TBCE: variants seen among roughly 807,000 people sequenced by gnomAD.
TBCE encodes the protein tubulin folding cofactor E, also known as tubulin-specific chaperone E.
TBCE carries 53 observed loss-of-function variants against 77.0 expected under a neutral mutation model. The ratio of observed to expected loss-of-function variants is 0.69; its 90% confidence interval spans 0.55 to 0.87. The LOEUF is 0.87. Ranked by LOEUF, TBCE falls within the 40% of genes least tolerant of loss-of-function variation. The pLI is 0.00. For missense variants in TBCE, 624 were observed against 622.4 expected (o/e 1.00, Z -0.03); for synonymous variants, 235 against 241.3 (o/e 0.97, Z 0.24).
At chr1:235,443,197 C>T (rs1212061424) in intron 15 of TBCE, among the ~76,000 whole-genome samples, 15 of 130,492 alleles carry the variant, frequency 1.1e-4, no homozygotes, top group South Asian at 4.6e-4. Context: ...TATATATATA[C>T]ACACACACAC....
chr1:235,409,689 T>A (rs1429406814), intron 3 of TBCE, among the ~76,000 whole-genome samples: 3 of 150,778 alleles, frequency 2.0e-5, no homozygotes, highest in South Asian at 2.1e-4. Flanking sequence ...ACTTCTTGTT[T>A]TTTTACCATG....
At chr1:235,395,457 A>G (rs1028067861) in intron 2 of TBCE, among the ~76,000 whole-genome samples, 10 of 151,774 alleles carry the variant, frequency 6.6e-5, no homozygotes, top group Non-Finnish European at 1.5e-4. Flanking sequence ...TATTTATGCT[A>G]TCTGTATTTT....
intron 7 of TBCE, 113 bp from the exon 8 acceptor site, chr1:235,434,091 C>T: frequency 2.2e-6 from 2 of 905,466 alleles, no homozygotes; most frequent in Non-Finnish European, 1.9e-6. Flanking sequence ...GTCCGTGAGG[C>T]ACTTGTTTGC....
At chr1:235,378,829 C>G (rs934088796) in intron 1 of TBCE, among the ~76,000 whole-genome samples, 3 of 152,044 alleles carry the variant, frequency 2.0e-5, no homozygotes, top group African/African-American at 7.2e-5. Context: ...CCACTGCACT[C>G]CAGCCTGGGC....
At chr1:235,414,290 A>G in intron 3 of TBCE, 143 bp from the exon 4 acceptor site, 2 of 727,588 alleles carry the variant, frequency 2.7e-6, no homozygotes, top group Non-Finnish European at 4.7e-6. Flanking sequence ...CTGATTATAT[A>G]TTATTTTAGT....
chr1:235,381,489 C>T (rs944776755), intron 2 of TBCE, among the ~76,000 whole-genome samples: 2 of 151,706 alleles, frequency 1.3e-5, no homozygotes, highest in South Asian at 2.1e-4. Context: ...TTGAGACCAT[C>T]CTGGCTAACA....
intron 4 of TBCE, chr1:235,418,997 A>G: frequency 4.6e-6 from 1 of 217,528 alleles, no homozygotes; most frequent in South Asian, 6.9e-5. Context: ...ACTTGAGGTC[A>G]GGAGTTCGAG....
intron 5 of TBCE, among the ~76,000 whole-genome samples, chr1:235,420,447 T>A (rs1680339071): frequency 1.3e-5 from 2 of 150,292 alleles, no homozygotes; most frequent in African/African-American, 4.9e-5. Flanking sequence ...CCCAAGTAGC[T>A]GGGATTACAG....
intron 2 of TBCE, among the ~76,000 whole-genome samples, chr1:235,400,795 A>G (rs922801262): frequency 6.6e-6 from 1 of 151,102 alleles, no homozygotes; most frequent in Non-Finnish European, 1.5e-5. Context: ...CCCGGGTTCA[A>G]GTGATTCTCC....
chr1:235,438,604 CCT>C (rs1322252573), intron 12 of TBCE, among the ~76,000 whole-genome samples, 163 bp from the exon 13 acceptor site: 3 of 151,204 alleles, frequency 2.0e-5, no homozygotes, highest in Non-Finnish European at 4.4e-5. Context: ...CTAATAAACC[CCT>C]GAGTTCTGTC....
chr1:235,438,442 A>T (rs992690044), intron 12 of TBCE, among the ~76,000 whole-genome samples: 9 of 152,014 alleles, frequency 5.9e-5, no homozygotes, highest in African/African-American at 2.2e-4. Flanking sequence ...CAGCTATTCC[A>T]GAGGCTGAGG....
chr1:235,392,987 G>T (rs1197535331), intron 2 of TBCE, among the ~76,000 whole-genome samples: 1 of 151,830 alleles, frequency 6.6e-6, no homozygotes, highest in Non-Finnish European at 1.5e-5. Context: ...GGGCAACAGA[G>T]TGAGATGCTG....
At chr1:235,381,685 CAAAAAAAAAAAAA>C (rs574997840) in intron 2 of TBCE, among the ~76,000 whole-genome samples, 25 of 43,208 alleles carry the variant, frequency 5.8e-4, no homozygotes, top group African/African-American at 1.8e-3. Context: ...ACTCCTTCTC[CAAAAAAAAAAAAA>C]AAAAAAAAAA....
intron 13 of TBCE, among the ~76,000 whole-genome samples, chr1:235,439,490 C>T (rs1263284711): frequency 3.3e-5 from 5 of 151,698 alleles, no homozygotes; most frequent in South Asian, 2.1e-4. Context: ...AACGAGACTC[C>T]GTCTCAAAAC....
At chr1:235,430,507 T>C in intron 6 of TBCE, 198 bp from the exon 7 acceptor site, 1 of 478,976 alleles carries the variant, frequency 2.1e-6, no homozygotes, top group South Asian at 2.1e-5. Flanking sequence ...CAAAAAGTTG[T>C]ATGTTGTAAA....
chr1:235,396,020 G>A (rs984184439), intron 2 of TBCE, among the ~76,000 whole-genome samples: 2 of 151,842 alleles, frequency 1.3e-5, no homozygotes, highest in Non-Finnish European at 2.9e-5. Flanking sequence ...TTTAAGGCTG[G>A]ATAGTATTTT....
chr1:235,418,031 C>T (rs946923431), intron 4 of TBCE, among the ~76,000 whole-genome samples: 5 of 152,316 alleles, frequency 3.3e-5, no homozygotes, highest in African/African-American at 9.6e-5. Flanking sequence ...ATCCGCCCAC[C>T]TTGGCCTCCC....
At chr1:235,388,297 T>TG (rs1462705250) in intron 2 of TBCE, among the ~76,000 whole-genome samples, 6 of 148,154 alleles carry the variant, frequency 4.0e-5, no homozygotes, top group African/African-American at 1.5e-4. Context: ...TTTTTTTTTT[T>TG]TTTTTTTTGA....
At chr1:235,439,413 G>A (rs552047652) in intron 13 of TBCE, among the ~76,000 whole-genome samples, 1 of 151,432 alleles carries the variant, frequency 6.6e-6, no homozygotes, top group South Asian at 2.1e-4. Context: ...GGAGAATGGT[G>A]TGAACCCGGG....
Sources: allele counts gnomAD v4.1 joint callset (sites outside exome capture counted in the v4.1 genomes callset), GRCh38; gene constraint gnomAD v4.1.1; transcripts MANE v1.5; gene names NCBI Gene and HGNC (gene_info 2026-07-23, HGNC 2026-07-21).